MIPEP: variants seen among roughly 807,000 people sequenced by gnomAD.
The protein encoded by MIPEP is mitochondrial intermediate peptidase.
In MIPEP, 79 loss-of-function variants were observed where a neutral mutation model predicts 90.3. That is an observed-to-expected ratio of 0.87 (90% CI 0.73 to 1.05). The LOEUF (loss-of-function observed/expected upper bound fraction) is 1.05. MIPEP is among the 50% of genes least tolerant of loss of function. The probability of loss-of-function intolerance (pLI) is 0.00; values close to 1 mark genes in which losing one functional copy is unlikely to be tolerated. For synonymous variants in MIPEP, 334 were observed against 315.8 expected (o/e 1.06, Z -0.61); for missense variants, 940 against 905.6 (o/e 1.04, Z -0.49).
At chr13:23,879,869 A>T (rs1157033332) in intron 3 of MIPEP, among the ~76,000 whole-genome samples, 1 of 152,104 alleles carries the variant, frequency 6.6e-6, no homozygotes, top group Non-Finnish European at 1.5e-5. Context: ...CACATTTCCT[A>T]TGTGAATGAA....
chr13:23,810,032 G>A, intron 14 of MIPEP, 108 bp from the exon 15 acceptor site: 1 of 593,902 alleles, frequency 1.7e-6, no homozygotes, highest in African/African-American at 1.9e-5. Context: ...ATGAGTAATA[G>A]AATTTCATTA....
chr13:23,881,650 C>G, intron 3 of MIPEP, 49 bp downstream of exon 3: 1 of 1,478,742 alleles, frequency 6.8e-7, no homozygotes, highest in African/African-American at 1.4e-5. Flanking sequence ...TCCATGAAAC[C>G]GGATCACCCA....
rs141621895 is a variant in MIPEP at position 23,760,612 on chromosome 13, C to T, written c.1849-395G>A. 445 of 524,938 alleles carry T rather than the reference C, an allele frequency of 8.5e-4. 4 individuals are homozygous for T. In the East Asian group the frequency reaches 0.011, roughly 13 times the overall value. 32.5% of individuals were successfully genotyped at this position (524,938 alleles called of 1,614,324 possible). On this transcript the variant is annotated intron_variant, in intron 16 of 18. Transcript: ENST00000382172. ...GGCTGTCTGCAAGCCAAAGAGGCCTCGGGAGAAGCCAGATCTGCTGACACC... is the reference window on the plus strand; with the variant it reads ...GGCTGTCTGCAAGCCAAAGAGGCCTTGGGAGAAGCCAGATCTGCTGACACC...
intron 14 of MIPEP, among the ~76,000 whole-genome samples, chr13:23,815,919 A>G (rs1459446498): frequency 6.6e-6 from 1 of 152,244 alleles, no homozygotes; most frequent in Non-Finnish European, 1.5e-5. Context: ...TATTTATAAA[A>G]TACTGGCACT....
rs118157865 is a variant in MIPEP at position 23,771,965 on chromosome 13, C to T, written c.1849-11748G>A. 3.2e-4 allele frequency among the ~76,000 whole-genome samples: 49 copies of T among 152,184 alleles called. No homozygotes were observed. The East Asian group carries it at 3.7e-3, about 11-fold the overall frequency. On this transcript the variant is annotated intron_variant, in intron 16 of 18. Transcript: ENST00000382172. Reference sequence around the variant, plus strand: ...GTGTGCAATTAGGAGGTGTGTCTTACGAAGGATTATGCTCCTGCTAAGATG... The same window carrying T: ...GTGTGCAATTAGGAGGTGTGTCTTATGAAGGATTATGCTCCTGCTAAGATG...
chr13:23,809,592 C>G (rs1306071015), intron 15 of MIPEP, among the ~76,000 whole-genome samples: 1 of 152,140 alleles, frequency 6.6e-6, no homozygotes, highest in East Asian at 1.9e-4. Flanking sequence ...ATTCGCCCAC[C>G]TCGGCCTCCC....
chr13:23,748,986 C>G (rs892163753), intron 18 of MIPEP, among the ~76,000 whole-genome samples: 3 of 152,214 alleles, frequency 2.0e-5, no homozygotes, highest in Non-Finnish European at 4.4e-5. Context: ...TTACTGTTCT[C>G]CTACAGTGCT....
chr13:23,867,260 G>A (rs1419542703), intron 7 of MIPEP, among the ~76,000 whole-genome samples: 1 of 152,000 alleles, frequency 6.6e-6, no homozygotes, highest in African/African-American at 2.4e-5. Context: ...CACACGCTGC[G>A]CTTCAGCCAC....
intron 2 of MIPEP, among the ~76,000 whole-genome samples, chr13:23,884,102 T>G (rs1871371410): frequency 6.6e-6 from 1 of 151,596 alleles, no homozygotes; most frequent in South Asian, 2.1e-4. Context: ...TGGGGATGAG[T>G]TATGCTGGGT....
At chr13:23,858,470 C>CAAAA (rs1178186750) in intron 10 of MIPEP, among the ~76,000 whole-genome samples, 4 of 48,932 alleles carry the variant, frequency 8.2e-5, no homozygotes, top group African/African-American at 2.9e-4. Context: ...GACTCCGCCT[C>CAAAA]AAAAAAAAAA....
intron 16 of MIPEP, among the ~76,000 whole-genome samples, chr13:23,805,100 T>C (rs1039678746): frequency 6.6e-6 from 1 of 152,206 alleles, no homozygotes; most frequent in Non-Finnish European, 1.5e-5. Context: ...ACCTTTCAGT[T>C]ACAAGACTCA....
chr13:23,746,612 TGAGA>T (rs575558991), intron 18 of MIPEP, among the ~76,000 whole-genome samples: 10 of 132,466 alleles, frequency 7.5e-5, no homozygotes, highest in Non-Finnish European at 1.6e-4. Flanking sequence ...CCACCCTGGG[TGAGA>T]GAGAGAGACT....
At chr13:23,805,676 TA>T (rs1420224474) in intron 16 of MIPEP, among the ~76,000 whole-genome samples, 1 of 152,136 alleles carries the variant, frequency 6.6e-6, no homozygotes, top group Admixed American at 6.5e-5. Flanking sequence ...GAAAAATAAC[TA>T]AAAAGAAGAA....
intron 16 of MIPEP, among the ~76,000 whole-genome samples, chr13:23,803,155 G>A (rs947676052): frequency 6.6e-6 from 1 of 152,066 alleles, no homozygotes; most frequent in Non-Finnish European, 1.5e-5. Context: ...CTGAGGTTGG[G>A]AGTTCGAGAC....
At chr13:23,783,668 T>C (rs535474159) in intron 16 of MIPEP, among the ~76,000 whole-genome samples, 1 of 152,318 alleles carries the variant, frequency 6.6e-6, no homozygotes, top group South Asian at 2.1e-4. Flanking sequence ...ATAGTCCCTG[T>C]TTGCAGATGA....
At chr13:23,888,575 GAGACTCGTCTCAAC>G (rs1871627018) in intron 1 of MIPEP, 1 of 392,960 alleles carries the variant, frequency 2.5e-6, no homozygotes, top group Admixed American at 6.4e-5. Flanking sequence ...TATGGGAAGT[GAGACTCGTCTCAAC>G]AGAGTTTTGT....
chr13:23,759,780 C>T (rs74038706), intron 17 of MIPEP, among the ~76,000 whole-genome samples: 1,641 of 152,284 alleles, frequency 0.011, 33 homozygotes, highest in African/African-American at 0.037. Context: ...GCCAAGAAAA[C>T]CCACAGGAGC....
chr13:23,799,182 T>C (rs2137388661), intron 16 of MIPEP, among the ~76,000 whole-genome samples: 1 of 149,412 alleles, frequency 6.7e-6, no homozygotes, highest in Non-Finnish European at 1.5e-5. Flanking sequence ...TTTTTTTTTT[T>C]GTATTTTAGT....
chr13:23,835,178 G>A (rs75370290), intron 14 of MIPEP, among the ~76,000 whole-genome samples: 71,139 of 151,578 alleles, frequency 0.47, 18,181 homozygotes, highest in South Asian at 0.62. Context: ...GTGCCACTGC[G>A]CCTGGCTAAC....
Sources: gnomAD v4.1 joint callset for allele counts (sites outside exome capture counted in the v4.1 genomes callset) on GRCh38, gnomAD v4.1.1 for gene constraint, MANE v1.5 for transcripts, NCBI Gene and HGNC (gene_info 2026-07-23, HGNC 2026-07-21) for gene names.